The following DCC variants were observed in gnomAD, a reference collection of about 807,000 sequenced individuals.
DCC encodes netrin receptor DCC.
Under a neutral mutation model 172.5 loss-of-function variants are expected in DCC, and 58 were observed. That is an observed-to-expected ratio of 0.34 (90% CI 0.27 to 0.42). DCC has a LOEUF of 0.42. Among genes scored for constraint, DCC ranks in the 10% least tolerant of loss-of-function variants. The pLI is 1.00. For missense variants in DCC, 1,740 were observed against 1,791.0 expected (o/e 0.97, Z 0.51); for synonymous variants, 709 against 644.5 (o/e 1.10, Z -1.52).
intron 1 of DCC, among the ~76,000 whole-genome samples, chr18:52,392,383 T>A (rs891033928): frequency 4.6e-5 from 7 of 152,132 alleles, no homozygotes; most frequent in African/African-American, 1.7e-4. Context: ...GATGATACAT[T>A]GCCACATGCT....
chr18:52,687,106 C>A (rs1175176952), intron 1 of DCC, among the ~76,000 whole-genome samples: 3 of 152,058 alleles, frequency 2.0e-5, no homozygotes, highest in Non-Finnish European at 2.9e-5. Flanking sequence ...CCCCCATAAC[C>A]TTTACTCTTT....
intron 5 of DCC, among the ~76,000 whole-genome samples, chr18:53,013,945 A>T (rs1158053815): frequency 2.3e-4 from 35 of 152,202 alleles, no homozygotes; most frequent in Non-Finnish European, 2.9e-5. Context: ...AGATACTTAT[A>T]CATGGTGAAG....
intron 12 of DCC, among the ~76,000 whole-genome samples, chr18:53,299,826 G>A (rs1374776165): frequency 6.6e-6 from 1 of 151,996 alleles, no homozygotes; most frequent in Non-Finnish European, 1.5e-5. Context: ...GCCTATTGTT[G>A]GATACATGTC....
intron 9 of DCC, among the ~76,000 whole-genome samples, chr18:53,186,895 G>C (rs1389700500): frequency 1.3e-5 from 2 of 152,074 alleles, no homozygotes; most frequent in Admixed American, 6.6e-5. Flanking sequence ...GGTATGAACG[G>C]TGTGTCCTCA....
chr18:53,158,011 A>T (rs2054772135), intron 8 of DCC, among the ~76,000 whole-genome samples: 1 of 152,220 alleles, frequency 6.6e-6, no homozygotes, highest in Admixed American at 6.5e-5. Flanking sequence ...CAAATGCTTG[A>T]GGTGATGGAT....
At chr18:53,343,261 A>G (rs1221075808) in intron 15 of DCC, among the ~76,000 whole-genome samples, 1 of 151,958 alleles carries the variant, frequency 6.6e-6, no homozygotes, top group Non-Finnish European at 1.5e-5. Flanking sequence ...TTAGGAGAAA[A>G]AAATTTAGTC....
At chr18:53,129,727 T>A (rs1304924543) in intron 7 of DCC, among the ~76,000 whole-genome samples, 1 of 152,172 alleles carries the variant, frequency 6.6e-6, no homozygotes, top group East Asian at 1.9e-4. Context: ...TTATCTACTA[T>A]CTACTATTTT....
intron 12 of DCC, among the ~76,000 whole-genome samples, chr18:53,296,850 C>T (rs60898995): frequency 0.043 from 6,502 of 152,198 alleles, 440 homozygotes; most frequent in African/African-American, 0.14. Flanking sequence ...TGCTATGTTC[C>T]AGCCAAGGCA....
intron 2 of DCC, among the ~76,000 whole-genome samples, chr18:52,803,220 C>A (rs2038026337): frequency 6.6e-6 from 1 of 152,116 alleles, no homozygotes; most frequent in African/African-American, 2.4e-5. Context: ...GCACTAAACA[C>A]TATGAAAAAT....
intron 2 of DCC, among the ~76,000 whole-genome samples, chr18:52,767,499 A>G (rs2037273021): frequency 6.6e-6 from 1 of 152,230 alleles, no homozygotes; most frequent in Non-Finnish European, 1.5e-5. Context: ...CATGCTTATT[A>G]TGACTTGAAT....
chr18:53,525,665 C>A (rs774863267), intron 27 of DCC, among the ~76,000 whole-genome samples: 24 of 152,028 alleles, frequency 1.6e-4, no homozygotes, highest in Non-Finnish European at 1.5e-4. Flanking sequence ...ACAGTGTAGT[C>A]CAAACAACTT....
Position 53,093,788 on chromosome 18 carries a change from G to A in DCC, c.1261+27622G>A, listed in dbSNP as rs186466634. On this transcript the variant is annotated intron_variant, in intron 7 of 28. Coordinates refer to ENST00000442544, the MANE Select transcript of DCC (RefSeq NM_005215.4). Reference sequence around the variant, plus strand: ...GGCTGCTGGGAGTAGCCTGAGCAGCGCAGACACTAAAGAGCTTCATCTATT... The same window carrying A: ...GGCTGCTGGGAGTAGCCTGAGCAGCACAGACACTAAAGAGCTTCATCTATT... Among the ~76,000 whole-genome samples, 682 of 152,160 alleles carry A rather than the reference G, an allele frequency of 4.5e-3. 7 individuals are homozygous for A. Among genetic ancestry groups the A allele is most frequent in the South Asian group, 0.021 (99 of 4,820 alleles).
Position 52,444,325 on chromosome 18 carries a change from T to C in DCC, c.91+103447T>C, listed in dbSNP as rs146780855. 3.0e-4 allele frequency among the ~76,000 whole-genome samples: 45 copies of C among 152,332 alleles called. 1 individual carries two copies. The highest frequency in any genetic ancestry group is 1.4e-3 in the South Asian group (7 of 4,828). On this transcript the variant is annotated intron_variant, in intron 1 of 28. Coordinates refer to ENST00000442544, the MANE Select transcript of DCC (RefSeq NM_005215.4). ...ATCTAAATATGAATGAAAAAACTACTAATCTTATTAGAAATAGCCCACTCA... is the reference window on the plus strand; with the variant it reads ...ATCTAAATATGAATGAAAAAACTACCAATCTTATTAGAAATAGCCCACTCA...
At chr18:52,403,433 A>G (rs1210352255) in intron 1 of DCC, among the ~76,000 whole-genome samples, 1 of 152,020 alleles carries the variant, frequency 6.6e-6, no homozygotes, top group Non-Finnish European at 1.5e-5. Context: ...TTGAGGGTCC[A>G]GACTCATACT....
intron 7 of DCC, among the ~76,000 whole-genome samples, chr18:53,135,635 G>T (rs1347051904): frequency 6.6e-6 from 1 of 152,008 alleles, no homozygotes; most frequent in Non-Finnish European, 1.5e-5. Context: ...TGGTTTCTTT[G>T]TCTTTCCCCC....
chr18:53,085,462 A>T (rs1354163627), intron 7 of DCC, among the ~76,000 whole-genome samples: 5 of 152,130 alleles, frequency 3.3e-5, no homozygotes, highest in Non-Finnish European at 7.4e-5. Context: ...GGAGTAAACA[A>T]TGCCAAATTA....
At chr18:53,106,898 C>T (rs558416186) in intron 7 of DCC, among the ~76,000 whole-genome samples, 23 of 151,926 alleles carry the variant, frequency 1.5e-4, no homozygotes, top group African/African-American at 2.4e-4. Flanking sequence ...TGTTAATCTT[C>T]GTGTAATTAC....
chr18:52,479,399 T>A (rs1465469336), intron 1 of DCC, among the ~76,000 whole-genome samples: 5 of 152,162 alleles, frequency 3.3e-5, no homozygotes, highest in African/African-American at 9.7e-5. Flanking sequence ...ATTCCCTTGG[T>A]CTTTAATTTG....
chr18:52,833,510 T>G (rs2038652727), intron 2 of DCC, among the ~76,000 whole-genome samples: 1 of 152,112 alleles, frequency 6.6e-6, no homozygotes, highest in African/African-American at 2.4e-5. Context: ...TCCTGTCACC[T>G]AGGCTAGAGT....
Sources: allele counts gnomAD v4.1 joint callset (sites outside exome capture counted in the v4.1 genomes callset), GRCh38; gene constraint gnomAD v4.1.1; transcripts MANE v1.5; gene names NCBI Gene and HGNC (gene_info 2026-07-23, HGNC 2026-07-21).